Variants in DNAH8 observed in about 807,000 individuals in gnomAD.
The protein encoded by DNAH8 is dynein axonemal heavy chain 8, also known as axonemal beta dynein heavy chain 8.
DNAH8 carries 382 observed loss-of-function variants against 562.1 expected under a neutral mutation model. The observed-to-expected ratio is 0.68, with a 90% CI of 0.63 to 0.74. The LOEUF (loss-of-function observed/expected upper bound fraction) is 0.74, where lower values mean the gene tolerates loss of function less well. Among genes scored for constraint, DNAH8 ranks in the 30% least tolerant of loss-of-function variants. The probability of loss-of-function intolerance (pLI) is 0.00; values close to 1 mark genes in which losing one functional copy is unlikely to be tolerated. For synonymous variants in DNAH8, 1,881 were observed against 1,919.4 expected (o/e 0.98, Z 0.52); for missense variants, 5,203 against 5,620.4 (o/e 0.93, Z 2.37).
intron 7 of DNAH8, among the ~76,000 whole-genome samples, chr6:38,738,473 G>A (rs1764275345): frequency 6.6e-6 from 1 of 152,104 alleles, no homozygotes; most frequent in Non-Finnish European, 1.5e-5. Context: ...GTAGTGATAG[G>A]AATACAACAT....
chr6:39,011,665 G>C (rs10484850), intron 89 of DNAH8, among the ~76,000 whole-genome samples: 40,100 of 152,118 alleles, frequency 0.26, 5,479 homozygotes, highest in Middle Eastern at 0.35. Context: ...TTAACTGGCT[G>C]TCCCACAAAA....
In DNAH8 at chr6:38,860,553, A is replaced by G. The variant is rs1209152310; in HGVS notation, c.6055A>G (p.Thr2019Ala). Reference sequence around the variant, plus strand: ...TTTGGATCAAACTGTGGTGTCTATTACAGATGTTGATTTTATTTACCAAAA... The same window carrying G: ...TTTGGATCAAACTGTGGTGTCTATTGCAGATGTTGATTTTATTTACCAAAA... The part of the protein sequence containing the change: ...EDLDQTVVSI[T>A]DVDFIYQNEF... Residue 2019 changes from threonine (T) to alanine (A), a missense_variant, in exon 43 of 93, where the codon ACA becomes GCA. Thr to Ala is a moderately conservative substitution (Grantham distance 58). Around this residue, in one of 6 missense-constraint regions of DNAH8, gnomAD observed 2,176 missense variants for 2,365.1 expected, o/e 0.92. Transcript: ENST00000327475. The G allele has an allele frequency of 6.5e-7, 1 of 1,543,504 alleles. No individual in the cohort carries two copies. Among genetic ancestry groups the G allele is most frequent in the South Asian group, 1.3e-5 (1 of 75,862 alleles).
Position 38,832,414 on chromosome 6 carries a change from C to T in DNAH8, c.4281C>T (p.Asn1427=). The T allele has an allele frequency of 6.2e-7, 1 of 1,608,148 alleles. No individual in the cohort carries two copies. The highest frequency in any genetic ancestry group is 8.5e-7 in the Non-Finnish European group (1 of 1,174,840). The part of the protein sequence containing the change: ...SVEVFREDVI[N]FAEAYELEGP... Reference sequence around the variant, plus strand: ...AAGTTTTTCGTGAGGACGTGATAAACTTTGCAGAAGCATATGAATTGGTAA... The same window carrying T: ...AAGTTTTTCGTGAGGACGTGATAAATTTTGCAGAAGCATATGAATTGGTAA... The change falls in exon 31 of 93, where the codon AAC becomes AAT. Residue 1427 remains asparagine, a synonymous_variant. Transcript: ENST00000327475.
rs539744096 is a variant in DNAH8, at chr6:38,923,853, T to G, written c.10791-138T>G. 2.4e-3 allele frequency: 2,430 copies of G among 1,007,488 alleles called. 11 individuals are homozygous for G. The highest frequency in any genetic ancestry group is 4.4e-3 in the Middle Eastern group (14 of 3,200). 62.4% of individuals were successfully genotyped at this position (1,007,488 alleles called of 1,614,324 possible). A position where few individuals can be genotyped will look rare whatever the true frequency, so the allele number is the denominator to read the frequency against. ...TTTGGGGCTCCACTTTGCACGGTCTTTTTCCATGCCTGGCTACCAAGCATT... is the reference window on the plus strand; with the variant it reads ...TTTGGGGCTCCACTTTGCACGGTCTGTTTCCATGCCTGGCTACCAAGCATT... On this transcript the variant is annotated intron_variant, in intron 72 of 92. Transcript: ENST00000327475.
At chr6:38,935,546 A>G (rs1782879596) in intron 76 of DNAH8, 46 bp from the exon 77 acceptor site, 1 of 1,370,588 alleles carries the variant, frequency 7.3e-7, no homozygotes, top group Non-Finnish European at 1.0e-6. Context: ...TACTGTAATA[A>G]CTGGTAATTA....
intron 88 of DNAH8, among the ~76,000 whole-genome samples, chr6:39,007,748 C>A (rs966262904): frequency 6.6e-6 from 1 of 152,118 alleles, no homozygotes. Flanking sequence ...ACCCTTTTCA[C>A]CCCAACCCTT....
intron 53 of DNAH8, among the ~76,000 whole-genome samples, chr6:38,881,183 G>C (rs1483447785): frequency 6.6e-6 from 1 of 152,168 alleles, no homozygotes; most frequent in African/African-American, 2.4e-5. Flanking sequence ...TTGGAAAATA[G>C]TTTGGCAGTG....
Position 38,851,623 on chromosome 6 carries a change from T to A in DNAH8, c.5415T>A (p.Asp1805Glu). 6.2e-7 allele frequency: 1 copy of A among 1,612,308 alleles called. No homozygotes were observed. Among genetic ancestry groups the A allele is most frequent in the Non-Finnish European group, 8.5e-7 (1 of 1,179,400 alleles). Residue 1805 changes from aspartate (D) to glutamate (E), a missense_variant, in exon 39 of 93, where the codon GAT (aspartate) becomes GAA (glutamate). Coordinates refer to ENST00000327475, the MANE Select transcript of DNAH8 (RefSeq NM_001206927.2). ...TTCCAAGATTCTTCTTTGTATCTGATCCAGTTCTCCTGGAAATTCTTGGAC... is the reference window on the plus strand; with the variant it reads ...TTCCAAGATTCTTCTTTGTATCTGAACCAGTTCTCCTGGAAATTCTTGGAC... ...LLFPRFFFVSDPVLLEILGQA... is the reference protein window; with the variant it reads ...LLFPRFFFVSEPVLLEILGQA...
chr6:38,728,446 A>G (rs1342416684), intron 3 of DNAH8, among the ~76,000 whole-genome samples: 1 of 103,452 alleles, frequency 9.7e-6, no homozygotes, highest in African/African-American at 2.9e-5. Context: ...TCTCATGAGT[A>G]CAATGTATCT....
Position 38,815,665 on chromosome 6 carries a change from T to A in DNAH8, c.3523+8T>A, listed in dbSNP as rs1444607775. The A allele has an allele frequency of 1.9e-6, 3 of 1,605,194 alleles. No individual in the cohort carries two copies. The highest frequency in any genetic ancestry group is 1.7e-5 in the Admixed American group (1 of 59,694). On this transcript the variant is annotated splice_region_variant and intron_variant, in intron 26 of 92. Transcript: ENST00000327475. ...TGCTGAAGAAGGAAGAAAGTAAGAA[T>A]GTAAAATTAGTCAATGATCTTACTG...
intron 21 of DNAH8, among the ~76,000 whole-genome samples, chr6:38,795,469 A>G (rs1770150209): frequency 6.6e-6 from 1 of 151,980 alleles, no homozygotes; most frequent in Admixed American, 6.6e-5. Context: ...AGTCCCAGCT[A>G]CTTGGGAGGC....
At chr6:38,848,041 A>G (rs1172063745) in intron 36 of DNAH8, among the ~76,000 whole-genome samples, 1 of 152,084 alleles carries the variant, frequency 6.6e-6, no homozygotes, top group African/African-American at 2.4e-5. Context: ...CCTGTAAGTG[A>G]ACATCAGACT....
chr6:38,803,413 C>A (rs1770964440), intron 22 of DNAH8, 102 bp downstream of exon 22: 4 of 789,254 alleles, frequency 5.1e-6, no homozygotes, highest in East Asian at 2.7e-5. Context: ...CCCTCCCTTC[C>A]CCAGAAGCAA....
intron 88 of DNAH8, 30 bp downstream of exon 88, chr6:38,990,202 G>C (rs1332011222): frequency 1.3e-6 from 2 of 1,504,042 alleles, no homozygotes; most frequent in African/African-American, 1.4e-5. Flanking sequence ...TAATTTGAAG[G>C]GGTCATTTGT....
intron 53 of DNAH8, among the ~76,000 whole-genome samples, chr6:38,877,571 C>G (rs1487954305): frequency 6.6e-6 from 1 of 152,094 alleles, no homozygotes. Flanking sequence ...TTTGCCCGAG[C>G]CTTTGTGGCC....
chr6:38,945,725 G>A (rs994936780), intron 80 of DNAH8, 137 bp downstream of exon 80: 9 of 1,155,766 alleles, frequency 7.8e-6, no homozygotes, highest in Non-Finnish European at 1.1e-5. Context: ...AGGCTCTGTG[G>A]CTGTCTGGGA....
In DNAH8 at chr6:38,722,876, G is replaced by A. The variant is rs1236967297; in HGVS notation, c.67G>A (p.Ala23Thr). ...GAEAPPSTEE[A>T]APPRSEEEEA... Reference sequence around the variant, plus strand: ...AGAGGCTCCTCCCTCTACGGAAGAGGCTGCCCCTCCCCGTTCAGAAGAGGA... The same window carrying A: ...AGAGGCTCCTCCCTCTACGGAAGAGACTGCCCCTCCCCGTTCAGAAGAGGA... The change falls in exon 2 of 93, where the codon GCT becomes ACT. Residue 23 changes from alanine to threonine, a missense_variant. Ala to Thr is a moderately conservative substitution (Grantham distance 58). This residue lies in a region of DNAH8 where 556 missense variants were observed against 496.9 expected (regional missense o/e 1.12). Transcript: ENST00000327475. 1.2e-6 allele frequency: 2 copies of A among 1,611,876 alleles called. No individual in the cohort carries two copies. The highest frequency in any genetic ancestry group is 1.7e-5 in the Admixed American group (1 of 59,892).
At chr6:38,868,696 A>G (rs1777250790) in intron 48 of DNAH8, among the ~76,000 whole-genome samples, 1 of 151,572 alleles carries the variant, frequency 6.6e-6, no homozygotes, top group Non-Finnish European at 1.5e-5. Flanking sequence ...TTTCTTTGAA[A>G]CAGACTCTCA....
chr6:38,805,649 T>A, intron 23 of DNAH8, 53 bp downstream of exon 23: 1 of 1,035,902 alleles, frequency 9.7e-7, no homozygotes, highest in Non-Finnish European at 1.5e-6. Flanking sequence ...GTTTATAGGA[T>A]TATAGATAAC....
Sources: gnomAD v4.1 joint callset for allele counts (sites outside exome capture counted in the v4.1 genomes callset) on GRCh38, gnomAD v4.1.1 for gene constraint, gnomAD v4.1.1 regional missense constraint, MANE v1.5 for transcripts, NCBI Gene and HGNC (gene_info 2026-07-23, HGNC 2026-07-21) for gene names.